WWOX: variants seen among roughly 807,000 people sequenced by gnomAD.
WWOX encodes the protein WW domain-containing oxidoreductase.
In WWOX, 69 loss-of-function variants were observed where a neutral mutation model predicts 46.2. The ratio of observed to expected loss-of-function variants is 1.49; its 90% CI spans 1.23 to 1.82. WWOX has a LOEUF of 1.82. WWOX is among the 40% of genes most tolerant of loss of function. The pLI is 0.00. For synonymous variants in WWOX, 359 were observed against 202.6 expected, an observed-to-expected ratio of 1.77 and a Z score of -6.56; for missense variants, 919 against 542.6, an observed-to-expected ratio of 1.69 and a Z score of -6.89.
intron 8 of WWOX, among the ~76,000 whole-genome samples, chr16:79,177,252 G>A (rs961740607): frequency 3.9e-5 from 6 of 152,248 alleles, no homozygotes; most frequent in South Asian, 2.1e-4. Context: ...CGTTGTGGCC[G>A]ACTGAAAAGC....
At chr16:78,996,576 T>C (rs528588879) in intron 8 of WWOX, among the ~76,000 whole-genome samples, 1 of 151,996 alleles carries the variant, frequency 6.6e-6, no homozygotes, top group South Asian at 2.1e-4. Flanking sequence ...AAAATTACAG[T>C]GAGAGATGGT....
intron 5 of WWOX, among the ~76,000 whole-genome samples, chr16:78,371,371 G>A (rs914516714): frequency 1.3e-5 from 2 of 152,174 alleles, no homozygotes; most frequent in Admixed American, 6.5e-5. Context: ...GGAATTTGAA[G>A]TATGTTGAAA....
intron 8 of WWOX, among the ~76,000 whole-genome samples, chr16:78,575,487 A>AG (rs2044854914): frequency 6.6e-6 from 1 of 152,026 alleles, no homozygotes; most frequent in Non-Finnish European, 1.5e-5. Flanking sequence ...GTCTGCATGG[A>AG]GGACAAGAAG....
At chr16:78,516,461 T>C (rs1406079980) in intron 8 of WWOX, among the ~76,000 whole-genome samples, 2 of 152,224 alleles carry the variant, frequency 1.3e-5, no homozygotes, top group African/African-American at 4.8e-5. Context: ...TTAATTCCCA[T>C]GCTCAGAGCT....
chr16:78,995,911 C>T (rs752620715), intron 8 of WWOX, among the ~76,000 whole-genome samples: 46 of 152,056 alleles, frequency 3.0e-4, no homozygotes, highest in African/African-American at 9.7e-5. Context: ...AACGATTTTG[C>T]GTTTATACCT....
chr16:78,910,397 G>A (rs752593180), intron 8 of WWOX, among the ~76,000 whole-genome samples: 1 of 151,898 alleles, frequency 6.6e-6, no homozygotes, highest in African/African-American at 2.4e-5. Flanking sequence ...AGCTTTTTCT[G>A]TATCAAGTCA....
intron 8 of WWOX, among the ~76,000 whole-genome samples, chr16:78,797,634 G>T (rs142013732): frequency 2.2e-4 from 34 of 152,174 alleles, no homozygotes; most frequent in African/African-American, 8.2e-4. Flanking sequence ...AGGAAGATTC[G>T]TCCAGTCTCA....
chr16:79,048,922 T>C (rs1214779320), intron 8 of WWOX, among the ~76,000 whole-genome samples: 1 of 152,110 alleles, frequency 6.6e-6, no homozygotes, highest in African/African-American at 2.4e-5. Context: ...ACCCCCGCCT[T>C]TGGTACAGAG....
At chr16:78,604,471 A>G (rs1382008108) in intron 8 of WWOX, among the ~76,000 whole-genome samples, 1 of 152,166 alleles carries the variant, frequency 6.6e-6, no homozygotes, top group Non-Finnish European at 1.5e-5. Context: ...CATCTGTTAA[A>G]TCCCAGAGGT....
At chr16:78,796,435 C>T (rs530281275) in intron 8 of WWOX, among the ~76,000 whole-genome samples, 3 of 152,308 alleles carry the variant, frequency 2.0e-5, no homozygotes, top group African/African-American at 7.2e-5. Context: ...TTCCCATTGG[C>T]CAGAATTCAG....
At chr16:79,032,343 T>C (rs1293282480) in intron 8 of WWOX, among the ~76,000 whole-genome samples, 2 of 146,460 alleles carry the variant, frequency 1.4e-5, no homozygotes, top group African/African-American at 5.0e-5. Context: ...ATAATGTATG[T>C]AATATATAAT....
At chr16:78,630,348 A>G (rs1033012127) in intron 8 of WWOX, among the ~76,000 whole-genome samples, 2 of 152,138 alleles carry the variant, frequency 1.3e-5, no homozygotes, top group Non-Finnish European at 2.9e-5. Flanking sequence ...TTCCCAGATC[A>G]GATAAAGATG....
intron 8 of WWOX, among the ~76,000 whole-genome samples, chr16:78,859,531 G>C (rs1366934689): frequency 3.9e-5 from 6 of 152,064 alleles, no homozygotes; most frequent in African/African-American, 1.4e-4. Flanking sequence ...CATTCCAGAG[G>C]GCATGTTGCT....
At chr16:79,160,816 G>T (rs2050471406) in intron 8 of WWOX, among the ~76,000 whole-genome samples, 1 of 152,148 alleles carries the variant, frequency 6.6e-6, no homozygotes, top group Non-Finnish European at 1.5e-5. Context: ...TATGTTCTGT[G>T]TATATGTAGA....
chr16:78,743,575 C>T (rs1369644527), intron 8 of WWOX, among the ~76,000 whole-genome samples: 1 of 152,172 alleles, frequency 6.6e-6, no homozygotes, highest in Non-Finnish European at 1.5e-5. Flanking sequence ...CAACTTTCCA[C>T]AACTAAGTTA....
intron 8 of WWOX, among the ~76,000 whole-genome samples, chr16:78,920,561 C>T (rs1422592784): frequency 6.6e-6 from 1 of 152,102 alleles, no homozygotes; most frequent in Non-Finnish European, 1.5e-5. Flanking sequence ...AAGTTCCCTG[C>T]CCTTGTTAAA....
intron 8 of WWOX, among the ~76,000 whole-genome samples, chr16:78,668,557 G>A (rs1405893491): frequency 6.6e-6 from 1 of 152,198 alleles, no homozygotes; most frequent in Non-Finnish European, 1.5e-5. Context: ...AGTGTGGCAA[G>A]GGGCGTGACA....
intron 8 of WWOX, among the ~76,000 whole-genome samples, chr16:79,099,190 A>G (rs1187486779): frequency 6.6e-6 from 1 of 152,168 alleles, no homozygotes; most frequent in African/African-American, 2.4e-5. Context: ...GAAGCCCTTC[A>G]TGAGGGATCC....
intron 5 of WWOX, among the ~76,000 whole-genome samples, chr16:78,256,083 G>A (rs989768526): frequency 1.4e-5 from 2 of 143,308 alleles, no homozygotes; most frequent in Non-Finnish European, 3.0e-5. Flanking sequence ...CCGGGAGGCA[G>A]AGGTTGCAGT....
Sources: gnomAD v4.1 joint callset for allele counts (sites outside exome capture counted in the v4.1 genomes callset) on GRCh38, gnomAD v4.1.1 for gene constraint, MANE v1.5 for transcripts, NCBI Gene and HGNC (gene_info 2026-07-23, HGNC 2026-07-21) for gene names.